Variants in RALGPS1 observed in about 807,000 individuals in gnomAD.
RALGPS1 encodes the protein Ral GEF with PH domain and SH3 binding motif 1, also known as ras-specific guanine nucleotide-releasing factor RalGPS1.
RALGPS1 carries 19 observed loss-of-function variants against 78.8 expected under a neutral mutation model. That is an observed-to-expected ratio of 0.24 (90% CI 0.17 to 0.35). RALGPS1 has a LOEUF of 0.35. RALGPS1 is among the 10% of genes least tolerant of loss of function. RALGPS1 has a pLI of 1.00. For synonymous variants in RALGPS1, 228 were observed against 256.3 expected, an observed-to-expected ratio of 0.89 and a Z score of 1.06; for missense variants, 454 against 688.3, an observed-to-expected ratio of 0.66 and a Z score of 3.81.
Position 127,218,627 on chromosome 9 carries a change from C to A in RALGPS1, c.1645-113C>A. 8.8e-7 allele frequency: 1 copy of A among 1,138,392 alleles called. No homozygotes were observed. The highest frequency in any genetic ancestry group is 1.3e-6 in the Non-Finnish European group (1 of 747,838). The allele number at this position is 1,138,392 out of a possible 1,614,324, so 70.5% of individuals were successfully genotyped here. The stretch of plus-strand genomic sequence containing the variant: ...ATTGCCATACCCTCTCCCTACCCAA[C>A]CTGCTCATTCCCAGACTCACGGGGA... On this transcript the variant is annotated intron_variant, in intron 18 of 18. Transcript: ENST00000259351. This position sits in a 1 kb window ranked among gnomAD's most constrained non-coding sequence, Gnocchi z 4.4.
chr9:126,976,479 T>C (rs1413271083), intron 3 of RALGPS1, among the ~76,000 whole-genome samples: 1 of 152,136 alleles, frequency 6.6e-6, no homozygotes, highest in Non-Finnish European at 1.5e-5. Context: ...TATGTGTTTA[T>C]TGAGCATCTG....
chr9:127,052,861 C>G lies in RALGPS1; in HGVS notation c.405C>G (p.Leu135=), dbSNP rs2135407667. ...FVKIAKKLLE[L]NNLHSLMSVV... ...CTTTTTTTCAGAAACTTCTAGAACT[C>G]AACAACCTTCATTCTCTCATGTCTG... Residue 135 remains leucine (L), a synonymous_variant, in exon 7 of 19, where the codon CTC becomes CTG. Coordinates refer to ENST00000259351, the MANE Select transcript of RALGPS1 (RefSeq NM_014636.3). 6.2e-7 allele frequency: 1 copy of G among 1,607,658 alleles called. No individual in the cohort carries two copies. Among genetic ancestry groups the G allele is most frequent in the Non-Finnish European group, 8.5e-7 (1 of 1,174,344 alleles).
At chr9:127,052,658 A>G (rs1005963344) in intron 6 of RALGPS1, among the ~76,000 whole-genome samples, 189 bp from the exon 7 acceptor site, 12 of 152,118 alleles carry the variant, frequency 7.9e-5, no homozygotes, top group Admixed American at 5.9e-4. Context: ...TTAGATGCAG[A>G]CTCACCTTTT....
chr9:126,954,272 C>T (rs1422405443), intron 1 of RALGPS1, among the ~76,000 whole-genome samples: 1 of 152,206 alleles, frequency 6.6e-6, no homozygotes, highest in Non-Finnish European at 1.5e-5. Flanking sequence ...GTTCCTCTCT[C>T]TTCTTTTCCC....
chr9:127,087,054 G>A (rs187769263), intron 8 of RALGPS1, among the ~76,000 whole-genome samples: 3 of 152,320 alleles, frequency 2.0e-5, no homozygotes, highest in East Asian at 1.9e-4. Context: ...AGAAAGGTAC[G>A]TCAGGTGTTA....
Position 127,218,849 on chromosome 9 carries a change from C to A in RALGPS1, c.*80C>A. 6.7e-7 allele frequency: 1 copy of A among 1,491,138 alleles called. No individual in the cohort carries two copies. Among genetic ancestry groups the A allele is most frequent in the Non-Finnish European group, 9.4e-7 (1 of 1,068,388 alleles). The allele number at this position is 1,491,138 out of a possible 1,614,324, so 92.4% of individuals were successfully genotyped here. On this transcript the variant is annotated 3_prime_UTR_variant, in exon 19 of 19. Coordinates refer to ENST00000259351, the MANE Select transcript of RALGPS1 (RefSeq NM_014636.3). This position sits in a 1 kb window ranked among gnomAD's most constrained non-coding sequence, Gnocchi z 4.4. ...TGGTGGTGAAGAGCAGTCCTGGGCA[C>A]AGGCTGTGAGCCAGGGTGCTGGGAA... is the stretch of plus-strand genomic sequence containing the variant.
intron 8 of RALGPS1, chr9:127,108,794 G>C: frequency 6.7e-7 from 1 of 1,502,538 alleles, no homozygotes; most frequent in Admixed American, 1.9e-5. Context: ...AAAGTAAACA[G>C]AGGGGAGAAT....
At position 126,944,548 on chromosome 9, in the gene RALGPS1, C is replaced by T. The variant is rs535839607; in HGVS notation, c.-65-17677C>T. 2.3e-3 allele frequency among the ~76,000 whole-genome samples: 234 copies of T among 103,320 alleles called. 1 individual carries two copies. Among genetic ancestry groups the T allele is most frequent in the African/African-American group, 8.7e-3 (228 of 26,114 alleles). 67.8% of individuals were successfully genotyped at this position (103,320 alleles called of 152,430 possible). The stretch of plus-strand genomic sequence containing the variant: ...AATGTTGAGACCCCTGTTTTTAGAC[C>T]TATTCCTAAGGGAGACTATGGGGAG... On this transcript the variant is annotated intron_variant, in intron 1 of 18. Coordinates refer to ENST00000259351, the MANE Select transcript of RALGPS1 (RefSeq NM_014636.3).
At chr9:127,090,494 A>G (rs2052337017) in intron 8 of RALGPS1, among the ~76,000 whole-genome samples, 1 of 152,210 alleles carries the variant, frequency 6.6e-6, no homozygotes, top group African/African-American at 2.4e-5. Flanking sequence ...TGTGTGATAC[A>G]GGGATGGGCA....
rs891341532 is a variant in RALGPS1, at chr9:127,218,249, T to C, written c.1645-491T>C. Among the ~76,000 whole-genome samples the C allele has an allele frequency of 6.6e-6, 1 of 152,082 alleles. No homozygotes were observed. Among genetic ancestry groups the C allele is most frequent in the Non-Finnish European group, 1.5e-5 (1 of 68,000 alleles). On this transcript the variant is annotated intron_variant, in intron 18 of 18. Coordinates refer to ENST00000259351, the MANE Select transcript of RALGPS1 (RefSeq NM_014636.3). The surrounding 1 kb of genome is among the most constrained non-coding windows in gnomAD (Gnocchi z 4.4). The stretch of plus-strand genomic sequence containing the variant: ...TGAGGGCAGAGCTGTGGGAAGGTCT[T>C]GGGGTTTCTGATATCCCTGAACTGA...
chr9:127,031,047 T>TTGGG (rs2046392665), intron 4 of RALGPS1, among the ~76,000 whole-genome samples: 1 of 152,122 alleles, frequency 6.6e-6, no homozygotes, highest in Non-Finnish European at 1.5e-5. Context: ...GATGTGGGCC[T>TTGGG]CAGCGCCCAT....
chr9:127,106,575 T>G (rs1178943038), intron 8 of RALGPS1, among the ~76,000 whole-genome samples: 1 of 152,190 alleles, frequency 6.6e-6, no homozygotes, highest in South Asian at 2.1e-4. Context: ...TTGCCTAATG[T>G]CCCAGAGCTA....
chr9:127,199,340 A>C (rs1163607190), intron 14 of RALGPS1, among the ~76,000 whole-genome samples: 1 of 152,160 alleles, frequency 6.6e-6, no homozygotes, highest in Non-Finnish European at 1.5e-5. Flanking sequence ...GAGGCCTGTG[A>C]GTAGATTTGG....
intron 4 of RALGPS1, among the ~76,000 whole-genome samples, chr9:126,986,793 T>C (rs2041841965): frequency 6.6e-6 from 1 of 152,236 alleles, no homozygotes; most frequent in Non-Finnish European, 1.5e-5. Context: ...TTGAAGAGCA[T>C]GAACTTTGAT....
chr9:127,192,978 T>G (rs2061154894), intron 11 of RALGPS1, among the ~76,000 whole-genome samples: 1 of 152,156 alleles, frequency 6.6e-6, no homozygotes, highest in South Asian at 2.1e-4. Flanking sequence ...TCAGTGGATG[T>G]GTCATTAGGT....
At chr9:127,103,113 G>C (rs562840818) in intron 8 of RALGPS1, among the ~76,000 whole-genome samples, 1 of 152,352 alleles carries the variant, frequency 6.6e-6, no homozygotes, top group South Asian at 2.1e-4. Context: ...TTTTCACCTG[G>C]TTGCTTGCTT....
chr9:127,112,201 G>T (rs571866434), intron 8 of RALGPS1, among the ~76,000 whole-genome samples: 119 of 152,344 alleles, frequency 7.8e-4, no homozygotes, highest in African/African-American at 2.8e-3. Flanking sequence ...TCTGGTTTGG[G>T]CTCTGCTAGG....
rs2052480977 is a variant in RALGPS1 at position 127,091,584 on chromosome 9, G to A, written c.610+22228G>A. The A allele has an allele frequency of 9.2e-6, 14 of 1,523,790 alleles. No homozygotes were observed. Among genetic ancestry groups the A allele is most frequent in the African/African-American group, 2.8e-5 (2 of 72,562 alleles). 94.4% of individuals were successfully genotyped at this position (1,523,790 alleles called of 1,614,324 possible). On this transcript the variant is annotated intron_variant, in intron 8 of 18. Coordinates refer to ENST00000259351, the MANE Select transcript of RALGPS1 (RefSeq NM_014636.3). The surrounding 1 kb of genome is among the most constrained non-coding windows in gnomAD (Gnocchi z 4.3). Reference sequence around the variant, plus strand: ...CTGCTTCTCACCCTGGGATCTTCCCGTTTCCAAGCCCTGGAGTCAGGGGCT... The same window carrying A: ...CTGCTTCTCACCCTGGGATCTTCCCATTTCCAAGCCCTGGAGTCAGGGGCT...
At chr9:126,964,900 C>T (rs767281148) in intron 2 of RALGPS1, among the ~76,000 whole-genome samples, 2 of 152,166 alleles carry the variant, frequency 1.3e-5, no homozygotes, top group Non-Finnish European at 2.9e-5. Flanking sequence ...AGCATATTCT[C>T]TAAATCCCAG....
Sources: allele counts gnomAD v4.1 joint callset (sites outside exome capture counted in the v4.1 genomes callset), GRCh38; gene constraint gnomAD v4.1.1; non-coding constraint Gnocchi (gnomAD v3.1); transcripts MANE v1.5; gene names NCBI Gene and HGNC (gene_info 2026-07-23, HGNC 2026-07-21).